Variants in BPTF observed in about 807,000 individuals in gnomAD.
The protein encoded by BPTF is nucleosome-remodeling factor subunit BPTF.
BPTF carries 18 observed loss-of-function variants against 292.5 expected under a neutral mutation model. The ratio of observed to expected loss-of-function variants is 0.06; its 90% CI spans 0.04 to 0.09. The LOEUF is 0.09. BPTF is among the 10% of genes least tolerant of loss of function. BPTF has a pLI of 1.00. For missense variants in BPTF, 2,726 were observed against 3,498.7 expected, an observed-to-expected ratio of 0.78 and a Z score of 5.57; for synonymous variants, 1,225 against 1,251.9, an observed-to-expected ratio of 0.98 and a Z score of 0.45.
chr17:67,846,295 G>T (rs755592862), intron 1 of BPTF, among the ~76,000 whole-genome samples: 5 of 152,220 alleles, frequency 3.3e-5, no homozygotes, highest in Non-Finnish European at 7.3e-5. Flanking sequence ...TTTTAGAGCA[G>T]CCTGGGCAGC....
At chr17:67,849,113 G>T (rs1448170968) in intron 1 of BPTF, among the ~76,000 whole-genome samples, 1 of 152,248 alleles carries the variant, frequency 6.6e-6, no homozygotes, top group East Asian at 1.9e-4. Flanking sequence ...TGCTTGGTAA[G>T]GGGAGTATCC....
intron 3 of BPTF, among the ~76,000 whole-genome samples, chr17:67,872,984 G>T (rs1163011317): frequency 6.6e-6 from 1 of 152,188 alleles, no homozygotes; most frequent in Non-Finnish European, 1.5e-5. Flanking sequence ...CTACTCGGGA[G>T]GCTGAGGTGG....
chr17:67,842,316 GT>G (rs1280043905), intron 1 of BPTF, among the ~76,000 whole-genome samples: 2 of 151,960 alleles, frequency 1.3e-5, no homozygotes, highest in Non-Finnish European at 2.9e-5. Context: ...TAAATTTCCT[GT>G]TGCAACTCAT....
intron 27 of BPTF, among the ~76,000 whole-genome samples, chr17:67,976,863 T>C (rs1443058153): frequency 1.3e-5 from 2 of 152,072 alleles, no homozygotes; most frequent in African/African-American, 4.8e-5. Context: ...TTAAAGCCCC[T>C]GCACTCTATG....
intron 1 of BPTF, among the ~76,000 whole-genome samples, chr17:67,835,663 A>ATTTTT (rs142633440): frequency 7.1e-6 from 1 of 141,204 alleles, no homozygotes; most frequent in East Asian, 2.0e-4. Flanking sequence ...AGTCCTGGTA[A>ATTTTT]TTTTTTTTTT....
At chr17:67,847,890 T>A (rs1384909815) in intron 1 of BPTF, among the ~76,000 whole-genome samples, 1 of 152,160 alleles carries the variant, frequency 6.6e-6, no homozygotes, top group Non-Finnish European at 1.5e-5. Flanking sequence ...TCATAATTTT[T>A]AAAAGATTTC....
chr17:67,842,088 G>A (rs1316584298), intron 1 of BPTF, among the ~76,000 whole-genome samples: 1 of 151,536 alleles, frequency 6.6e-6, no homozygotes, highest in Non-Finnish European at 1.5e-5. Flanking sequence ...TTATTCTAGC[G>A]CCCCTCCCTT....
rs760450599 is a variant in BPTF, at chr17:67,903,930, A to G, written c.2673+12A>G. The G allele has an allele frequency of 1.3e-6, 2 of 1,579,376 alleles. No individual in the cohort carries two copies. Among genetic ancestry groups the G allele is most frequent in the South Asian group, 2.4e-5 (2 of 83,036 alleles). ...CAGTTAAGCATCAGGTAATTTTTACAACAACCCTTTAAAATAGTGTTAGCC... is the reference window on the plus strand; with the variant it reads ...CAGTTAAGCATCAGGTAATTTTTACGACAACCCTTTAAAATAGTGTTAGCC... On this transcript the variant is annotated intron_variant, in intron 8 of 27. Coordinates refer to ENST00000306378, the MANE Select transcript of BPTF (RefSeq NM_182641.4).
intron 4 of BPTF, among the ~76,000 whole-genome samples, chr17:67,890,107 A>G (rs2061013191): frequency 6.6e-6 from 1 of 152,250 alleles, no homozygotes; most frequent in Non-Finnish European, 1.5e-5. Context: ...CTTTATTTCC[A>G]AAACTGTAGT....
intron 1 of BPTF, among the ~76,000 whole-genome samples, chr17:67,843,951 G>A (rs2057799123): frequency 6.6e-6 from 1 of 150,376 alleles, no homozygotes; most frequent in African/African-American, 2.4e-5. Context: ...TATTAGTAGA[G>A]ATGGGGTTTC....
At chr17:67,948,982 TAAAC>T (rs2066024762) in intron 23 of BPTF, among the ~76,000 whole-genome samples, 1 of 152,044 alleles carries the variant, frequency 6.6e-6, no homozygotes, top group African/African-American at 2.4e-5. Context: ...CCTTGTCTCA[TAAAC>T]AAAACAAACA....
intron 1 of BPTF, among the ~76,000 whole-genome samples, chr17:67,836,851 G>C (rs752313368): frequency 6.6e-6 from 1 of 152,216 alleles, no homozygotes; most frequent in Non-Finnish European, 1.5e-5. Context: ...TGTGCAAAGA[G>C]TAAAATGTTT....
chr17:67,932,504 C>T lies in BPTF; in HGVS notation c.6259+485C>T, dbSNP rs1244537348. Among the ~76,000 whole-genome samples the T allele has an allele frequency of 2.0e-5, 3 of 152,204 alleles. No homozygotes were observed. The East Asian group carries it at 5.8e-4, about 29-fold the overall frequency. ...TTGAGCCCAGGAGTTCAAGACCAGCCTGGCCAACATGGCAAAATGCCATCT... is the reference window on the plus strand; with the variant it reads ...TTGAGCCCAGGAGTTCAAGACCAGCTTGGCCAACATGGCAAAATGCCATCT... On this transcript the variant is annotated intron_variant, in intron 18 of 27. Transcript: ENST00000306378.
intron 1 of BPTF, among the ~76,000 whole-genome samples, chr17:67,843,130 C>G (rs1386105937): frequency 3.4e-5 from 5 of 147,224 alleles, no homozygotes; most frequent in African/African-American, 1.0e-4. Context: ...AGATATATAC[C>G]TATATCTACA....
At chr17:67,845,530 G>A (rs2057966391) in intron 1 of BPTF, among the ~76,000 whole-genome samples, 1 of 152,250 alleles carries the variant, frequency 6.6e-6, no homozygotes, top group Non-Finnish European at 1.5e-5. Flanking sequence ...CCTAGCACTT[G>A]GGGAGGCCCG....
At chr17:67,980,189 AC>A (rs1599084336) in intron 27 of BPTF, among the ~76,000 whole-genome samples, 2 of 152,282 alleles carry the variant, frequency 1.3e-5, no homozygotes, top group African/African-American at 2.4e-5. Context: ...TACTAAAAAT[AC>A]AAAAATTAGC....
At chr17:67,873,533 A>G (rs1448112386) in intron 3 of BPTF, among the ~76,000 whole-genome samples, 2 of 151,986 alleles carry the variant, frequency 1.3e-5, no homozygotes, top group Non-Finnish European at 2.9e-5. Flanking sequence ...TGATAAATTT[A>G]TTTTTATGAG....
intron 27 of BPTF, among the ~76,000 whole-genome samples, chr17:67,976,581 G>C (rs1555694011): frequency 6.6e-6 from 1 of 150,860 alleles, no homozygotes; most frequent in Non-Finnish European, 1.5e-5. Flanking sequence ...AGCTACTCAG[G>C]AGGCTGTGAC....
At chr17:67,867,791 G>A (rs2059474826) in intron 3 of BPTF, among the ~76,000 whole-genome samples, 1 of 152,150 alleles carries the variant, frequency 6.6e-6, no homozygotes, top group Admixed American at 6.6e-5. Flanking sequence ...TATCAAGAGT[G>A]CATGGTGTCC....
Sources: allele counts gnomAD v4.1 joint callset (sites outside exome capture counted in the v4.1 genomes callset), GRCh38; gene constraint gnomAD v4.1.1; transcripts MANE v1.5; gene names NCBI Gene and HGNC (gene_info 2026-07-23, HGNC 2026-07-21).